TAFA4: variants seen among roughly 807,000 people sequenced by gnomAD.
TAFA4 encodes the protein TAFA chemokine like family member 4.
Under a neutral mutation model 21.1 loss-of-function variants are expected in TAFA4, and 20 were observed. The ratio of observed to expected loss-of-function variants is 0.95; its 90% CI spans 0.67 to 1.38. TAFA4 has a LOEUF of 1.38. Ranked by LOEUF, TAFA4 falls within the 40% of genes most tolerant of loss-of-function variation. The pLI, the probability that TAFA4 is intolerant of heterozygous loss-of-function variation, is 0.00. For synonymous variants in TAFA4, 71 were observed against 67.4 expected (o/e 1.05, Z -0.26); for missense variants, 211 against 180.9 (o/e 1.17, Z -0.95).
chr3:68,758,204 C>G (rs905515105), intron 3 of TAFA4, among the ~76,000 whole-genome samples: 33 of 152,170 alleles, frequency 2.2e-4, no homozygotes, highest in African/African-American at 6.3e-4. Flanking sequence ...CTGACAACAT[C>G]TTTTTCAATT....
At chr3:68,842,845 G>C (rs1024369557) in intron 3 of TAFA4, among the ~76,000 whole-genome samples, 2 of 151,528 alleles carry the variant, frequency 1.3e-5, no homozygotes, top group Non-Finnish European at 3.0e-5. Flanking sequence ...TCAAAGATCA[G>C]AGGGTTTGGC....
intron 1 of TAFA4, among the ~76,000 whole-genome samples, chr3:68,924,004 C>T (rs2090083638): frequency 6.6e-6 from 1 of 152,140 alleles, no homozygotes; most frequent in African/African-American, 2.4e-5. Flanking sequence ...AGAATTAAAT[C>T]AGATAGCACA....
At chr3:68,838,781 A>G (rs556236004) in intron 3 of TAFA4, among the ~76,000 whole-genome samples, 1 of 152,012 alleles carries the variant, frequency 6.6e-6, no homozygotes, top group East Asian at 2.1e-4. Context: ...TGACAGGGAC[A>G]CAGCAGGGAA....
intron 3 of TAFA4, among the ~76,000 whole-genome samples, chr3:68,833,132 A>T (rs1385593608): frequency 1.3e-5 from 2 of 152,202 alleles, no homozygotes; most frequent in African/African-American, 2.4e-5. Context: ...TGGCTAGGAA[A>T]GGGAAATCCC....
chr3:68,918,314 C>T (rs1233255604), intron 1 of TAFA4, among the ~76,000 whole-genome samples: 2 of 152,028 alleles, frequency 1.3e-5, no homozygotes, highest in East Asian at 3.9e-4. Context: ...AATCAGCGCA[C>T]TGTCAACCGT....
At chr3:68,779,992 C>T (rs992844243) in intron 3 of TAFA4, among the ~76,000 whole-genome samples, 2 of 152,224 alleles carry the variant, frequency 1.3e-5, no homozygotes, top group Non-Finnish European at 2.9e-5. Context: ...CTGCCCAAGG[C>T]TGTGGGAGCC....
intron 1 of TAFA4, among the ~76,000 whole-genome samples, chr3:68,925,989 C>T (rs955468029): frequency 2.0e-5 from 3 of 152,134 alleles, no homozygotes; most frequent in African/African-American, 7.2e-5. Context: ...CCCAGTACTT[C>T]GGGAGGCGGA....
At chr3:68,803,851 C>G (rs1276548533) in intron 3 of TAFA4, among the ~76,000 whole-genome samples, 1 of 126,418 alleles carries the variant, frequency 7.9e-6, no homozygotes, top group Non-Finnish European at 1.6e-5. Context: ...GTCACCTAGG[C>G]TGGAGGGCAG....
intron 1 of TAFA4, among the ~76,000 whole-genome samples, chr3:68,887,535 C>T (rs1358104968): frequency 6.6e-6 from 1 of 152,162 alleles, no homozygotes; most frequent in Non-Finnish European, 1.5e-5. Flanking sequence ...CAACTTTCTG[C>T]CAGGACCCCA....
Position 68,732,904 on chromosome 3 carries a change from G to T in TAFA4, c.*238C>A. 1.9e-6 allele frequency: 1 copy of T among 524,138 alleles called. No individual in the cohort carries two copies. The allele number at this position is 524,138 out of a possible 1,614,324, so 32.5% of individuals were successfully genotyped here. A position where few individuals can be genotyped will look rare whatever the true frequency, so the allele number is the denominator to read the frequency against. On this transcript the variant is annotated 3_prime_UTR_variant, in exon 6 of 6. Transcript: ENST00000295569. ...CGGATTTTGGAGGTATGCTCCTTGGGAATCCAGAGAGGATGTCAAATGGGT... is the reference window on the plus strand; with the variant it reads ...CGGATTTTGGAGGTATGCTCCTTGGTAATCCAGAGAGGATGTCAAATGGGT...
chr3:68,915,649 T>C (rs1177029611), intron 1 of TAFA4, among the ~76,000 whole-genome samples: 2 of 152,206 alleles, frequency 1.3e-5, no homozygotes, highest in African/African-American at 4.8e-5. Flanking sequence ...TGGTGGGTAT[T>C]TGACAATAGC....
chr3:68,749,136 C>G (rs2106746904), intron 4 of TAFA4, among the ~76,000 whole-genome samples: 1 of 152,244 alleles, frequency 6.6e-6, no homozygotes, highest in South Asian at 2.1e-4. Flanking sequence ...ATTAAAGACC[C>G]ACTTCAATAA....
rs267599929 is a variant in TAFA4 at position 68,752,953 on chromosome 3, G to A, written c.196C>T (p.Arg66Cys). ...VAVHRCCNKNRIEERSQTVKC... is the reference protein window; with the variant it reads ...VAVHRCCNKNCIEERSQTVKC... Reference sequence around the variant, plus strand: ...ACCGTTTGTGACCGCTCTTCTATGCGGTTCTTATTGCAGCACCTGTGCACG... The same window carrying A: ...ACCGTTTGTGACCGCTCTTCTATGCAGTTCTTATTGCAGCACCTGTGCACG... Residue 66 changes from arginine (R) to cysteine (C), a missense_variant, in exon 4 of 6, where the codon CGC (arginine) becomes TGC (cysteine). Coordinates refer to ENST00000295569, the MANE Select transcript of TAFA4 (RefSeq NM_182522.5). The A allele has an allele frequency of 1.2e-5, 20 of 1,613,906 alleles. No homozygotes were observed. The highest frequency in any genetic ancestry group is 1.3e-5 in the African/African-American group (1 of 74,842).
intron 3 of TAFA4, among the ~76,000 whole-genome samples, chr3:68,797,429 C>T (rs368265463): frequency 8.6e-5 from 13 of 151,790 alleles, no homozygotes; most frequent in Non-Finnish European, 1.8e-4. Flanking sequence ...CTGGCTAACA[C>T]GTTGAAACCC....
chr3:68,894,980 A>G (rs376612766), intron 1 of TAFA4, among the ~76,000 whole-genome samples: 49 of 152,064 alleles, frequency 3.2e-4, no homozygotes, highest in Middle Eastern at 6.8e-3. Context: ...TCTTCTCCCA[A>G]GTAGCTGGGA....
At chr3:68,866,188 G>C (rs894771340) in intron 3 of TAFA4, among the ~76,000 whole-genome samples, 1 of 152,072 alleles carries the variant, frequency 6.6e-6, no homozygotes, top group African/African-American at 2.4e-5. Flanking sequence ...AAACTAGAGT[G>C]GTTGTTCAGC....
Position 68,880,730 on chromosome 3 carries a change from C to G in TAFA4, c.130G>C (p.Gly44Arg). ...ASSQHLRGHA[G>R]HHQIKQGTCE... Reference sequence around the variant, plus strand: ...TGCATAATGAGCTTAAAGGGCTTACCTGCATGTCCCCGGAGGTGCTGGCTT... The same window carrying G: ...TGCATAATGAGCTTAAAGGGCTTACGTGCATGTCCCCGGAGGTGCTGGCTT... The change falls in exon 3 of 6, where the codon GGT becomes CGT. Residue 44 changes from glycine (G) to arginine (R), a missense_variant and splice_region_variant. Transcript: ENST00000295569. 3 of 1,613,812 alleles carry G rather than the reference C, an allele frequency of 1.9e-6. No homozygotes were observed. The highest frequency in any genetic ancestry group is 2.2e-5 in the East Asian group (1 of 44,862).
chr3:68,759,413 G>A (rs1298568580), intron 3 of TAFA4, among the ~76,000 whole-genome samples: 1 of 152,160 alleles, frequency 6.6e-6, no homozygotes, highest in Non-Finnish European at 1.5e-5. Flanking sequence ...ATGACATACA[G>A]TATTGTAGGA....
rs201124024 is a variant in TAFA4, at chr3:68,900,283, C to T, written c.-122-14973G>A. 5.4e-3 allele frequency among the ~76,000 whole-genome samples: 654 copies of T among 120,544 alleles called. 1 individual carries two copies. The highest frequency in any genetic ancestry group is 0.013 in the Middle Eastern group (3 of 236). 79.1% of individuals were successfully genotyped at this position (120,544 alleles called of 152,430 possible). On this transcript the variant is annotated intron_variant, in intron 1 of 5. Transcript: ENST00000295569. ...ATAATAATAATAATAATAATAATAA[C>T]AATAATAATAATAATAATAATAATA...
Sources: gnomAD v4.1 joint callset for allele counts (sites outside exome capture counted in the v4.1 genomes callset) on GRCh38, gnomAD v4.1.1 for gene constraint, MANE v1.5 for transcripts, NCBI Gene and HGNC (gene_info 2026-07-23, HGNC 2026-07-21) for gene names.